The following PRKCH variants were observed in gnomAD, a reference collection of about 807,000 sequenced individuals.
PRKCH encodes the protein protein kinase C eta type.
Under a neutral mutation model 82.5 loss-of-function variants are expected in PRKCH, and 28 were observed. That is an observed-to-expected ratio of 0.34 (90% CI 0.25 to 0.47). The LOEUF (loss-of-function observed/expected upper bound fraction) is 0.47, where lower values mean the gene tolerates loss of function less well. PRKCH is among the 20% of genes least tolerant of loss of function. The pLI, the probability that PRKCH is intolerant of heterozygous loss-of-function variation, is 1.00. For synonymous variants in PRKCH, 322 were observed against 327.4 expected (o/e 0.98, Z 0.18); for missense variants, 705 against 881.8 (o/e 0.80, Z 2.54).
intron 10 of PRKCH, among the ~76,000 whole-genome samples, chr14:61,518,097 T>G (rs2139987376): frequency 6.6e-6 from 1 of 152,354 alleles, no homozygotes; most frequent in African/African-American, 2.4e-5. Context: ...CCCTTTGGAC[T>G]GTCAGGTCCA....
intron 1 of PRKCH, among the ~76,000 whole-genome samples, chr14:61,219,599 TGTTGTCATTATATAGA>T (rs2044640132): frequency 6.6e-6 from 1 of 152,242 alleles, no homozygotes; most frequent in Non-Finnish European, 1.5e-5. Context: ...ATGCTTAAAA[TGTTGTCATTATATAGA>T]TCAGTTCCTT....
intron 1 of PRKCH, among the ~76,000 whole-genome samples, chr14:61,311,045 A>G (rs1352483727): frequency 3.9e-5 from 6 of 152,358 alleles, no homozygotes; most frequent in Non-Finnish European, 7.3e-5. Context: ...ACAGAGCAGA[A>G]GGGCCCTGGG....
In PRKCH at chr14:61,549,900, A is replaced by G; in HGVS notation, c.*69A>G. 1.3e-6 allele frequency: 2 copies of G among 1,527,506 alleles called. No individual in the cohort carries two copies. The highest frequency in any genetic ancestry group is 1.8e-6 in the Non-Finnish European group (2 of 1,125,942). The allele number at this position is 1,527,506 out of a possible 1,614,324, so 94.6% of individuals were successfully genotyped here. ...TAGAGATTCTCCAGGAATTTCCTCT[A>G]TGGGACCTTCCCAGCATCAGCCTTA... is the stretch of plus-strand genomic sequence containing the variant. On this transcript the variant is annotated 3_prime_UTR_variant, in exon 14 of 14. Transcript: ENST00000332981.
intron 9 of PRKCH, among the ~76,000 whole-genome samples, chr14:61,472,327 A>G (rs1885542047): frequency 6.6e-6 from 1 of 152,206 alleles, no homozygotes; most frequent in Non-Finnish European, 1.5e-5. Context: ...CTTTCACTTT[A>G]CCAGCAAGGC....
chr14:61,521,416 C>A (rs769659265), intron 10 of PRKCH, among the ~76,000 whole-genome samples: 37 of 151,982 alleles, frequency 2.4e-4, no homozygotes, highest in Non-Finnish European at 8.8e-5. Flanking sequence ...TATGATGCAG[C>A]AACCAATATC....
At chr14:61,459,216 G>A (rs1884920853) in intron 9 of PRKCH, among the ~76,000 whole-genome samples, 1 of 152,174 alleles carries the variant, frequency 6.6e-6, no homozygotes, top group Non-Finnish European at 1.5e-5. Flanking sequence ...GCATGTTCCT[G>A]GCCTGTGCCA....
chr14:61,526,824 C>A (rs1312725487), intron 10 of PRKCH, among the ~76,000 whole-genome samples: 1 of 152,260 alleles, frequency 6.6e-6, no homozygotes, highest in Non-Finnish European at 1.5e-5. Context: ...TGGCAGCCTC[C>A]CACAATGGCA....
chr14:61,453,767 C>T (rs1884630831), intron 7 of PRKCH, among the ~76,000 whole-genome samples: 1 of 151,960 alleles, frequency 6.6e-6, no homozygotes, highest in Admixed American at 6.6e-5. Flanking sequence ...GATCCTCCTA[C>T]CTCAGTCTCC....
chr14:61,542,074 G>C (rs970967294), intron 12 of PRKCH, among the ~76,000 whole-genome samples: 5 of 152,182 alleles, frequency 3.3e-5, no homozygotes, highest in African/African-American at 1.2e-4. Context: ...CGGATCACTT[G>C]AGGTCAGGAG....
At chr14:61,492,199 T>A (rs2139932404) in intron 10 of PRKCH, 1 of 152,364 alleles carries the variant, frequency 6.6e-6, no homozygotes, top group Non-Finnish European at 1.5e-5. Context: ...TCCTACAGTG[T>A]TCAGTCAGCT....
intron 2 of PRKCH, among the ~76,000 whole-genome samples, chr14:61,439,224 C>A (rs12431773): frequency 6.6e-6 from 1 of 152,014 alleles, no homozygotes; most frequent in Non-Finnish European, 1.5e-5. Flanking sequence ...AAACAGGAGG[C>A]GGTGCAAACA....
At chr14:61,220,112 G>A (rs961250679) in intron 1 of PRKCH, among the ~76,000 whole-genome samples, 1 of 152,158 alleles carries the variant, frequency 6.6e-6, no homozygotes, top group Non-Finnish European at 1.5e-5. Context: ...CAGTCCCAGG[G>A]CCTCACCATC....
chr14:61,454,291 C>T (rs1264445905), intron 7 of PRKCH, among the ~76,000 whole-genome samples: 6 of 151,654 alleles, frequency 4.0e-5, no homozygotes, highest in Non-Finnish European at 5.9e-5. Flanking sequence ...TTTAGTAAGA[C>T]GGAGTTTCTC....
At chr14:61,455,348 A>G (rs1476672572) in intron 7 of PRKCH, among the ~76,000 whole-genome samples, 1 of 151,940 alleles carries the variant, frequency 6.6e-6, no homozygotes, top group Non-Finnish European at 1.5e-5. Flanking sequence ...CCTATTGACA[A>G]TTTATTGAAT....
chr14:61,253,037 G>A (rs1223541424), intron 1 of PRKCH, among the ~76,000 whole-genome samples: 6 of 152,204 alleles, frequency 3.9e-5, no homozygotes, highest in Non-Finnish European at 8.8e-5. Flanking sequence ...AGTTTTTACA[G>A]TGGTGCTTTT....
chr14:61,331,719 C>G (rs2045791803), intron 1 of PRKCH, among the ~76,000 whole-genome samples: 1 of 152,188 alleles, frequency 6.6e-6, no homozygotes, highest in Non-Finnish European at 1.5e-5. Flanking sequence ...TCTCCAAAGA[C>G]TTTTATATCT....
intron 2 of PRKCH, among the ~76,000 whole-genome samples, chr14:61,439,263 G>A (rs1363842858): frequency 1.3e-5 from 2 of 152,184 alleles, no homozygotes; most frequent in Non-Finnish European, 2.9e-5. Context: ...CATTCCGATG[G>A]TGAAGTGGGG....
At chr14:61,245,136 G>C (rs191986054) in intron 1 of PRKCH, among the ~76,000 whole-genome samples, 2 of 152,296 alleles carry the variant, frequency 1.3e-5, no homozygotes, top group East Asian at 3.9e-4. Flanking sequence ...AATACCTGTT[G>C]ATGGAGTGGT....
chr14:61,237,153 G>T (rs2044796655), intron 1 of PRKCH, among the ~76,000 whole-genome samples: 1 of 150,554 alleles, frequency 6.6e-6, no homozygotes, highest in African/African-American at 2.5e-5. Flanking sequence ...TGAGGCAGAA[G>T]AATCGCTTGA....
Sources: allele counts gnomAD v4.1 joint callset (sites outside exome capture counted in the v4.1 genomes callset), GRCh38; gene constraint gnomAD v4.1.1; transcripts MANE v1.5; gene names NCBI Gene and HGNC (gene_info 2026-07-23, HGNC 2026-07-21).